YWHAH: variants seen among roughly 807,000 people sequenced by gnomAD.
YWHAH encodes tyrosine 3-monooxygenase/tryptophan 5-monooxygenase activation protein eta.
A neutral mutation model predicts 22.9 loss-of-function variants in YWHAH; 6 were observed. That is an observed-to-expected ratio of 0.26 (90% CI 0.14 to 0.52). The LOEUF is 0.52. YWHAH is among the 20% of genes least tolerant of loss of function. The pLI, the probability that YWHAH is intolerant of heterozygous loss-of-function variation, is 0.97. For synonymous variants in YWHAH, 135 were observed against 124.5 expected, an observed-to-expected ratio of 1.08 and a Z score of -0.56; for missense variants, 173 against 308.6, an observed-to-expected ratio of 0.56 and a Z score of 3.29.
rs886064415 is a variant in YWHAH at position 31,949,840 on chromosome 22, A to G, written c.87+5020A>G. Among the ~76,000 whole-genome samples the G allele has an allele frequency of 1.7e-4, 26 of 152,322 alleles. 1 individual carries two copies. In the South Asian group the frequency reaches 4.8e-3, roughly 28 times the overall value. ...CAATGCCCCATGAGGCAAAGGGATA[A>G]TATGTCTAGTATACATTCTGGTATA... is the stretch of plus-strand genomic sequence containing the variant. On this transcript the variant is annotated intron_variant, in intron 1 of 1. Transcript: ENST00000248975.
chr22:31,945,649 A>C, intron 1 of YWHAH: 1 of 1,284,946 alleles, frequency 7.8e-7, no homozygotes, highest in Non-Finnish European at 1.0e-6. Context: ...TTACCATCTC[A>C]CTCTCTCTCC....
At chr22:31,950,028 A>C (rs1034793076) in intron 1 of YWHAH, among the ~76,000 whole-genome samples, 1 of 142,898 alleles carries the variant, frequency 7.0e-6, no homozygotes, top group Non-Finnish European at 1.5e-5. Context: ...GAAACATAAG[A>C]GGGAAACTCA....
chr22:31,947,439 T>C (rs1342556429), intron 1 of YWHAH: 1 of 471,574 alleles, frequency 2.1e-6, no homozygotes, highest in Non-Finnish European at 4.4e-6. Flanking sequence ...CTTCCTGTAA[T>C]GATTGATGTT....
At chr22:31,948,617 C>T (rs1159720984) in intron 1 of YWHAH, among the ~76,000 whole-genome samples, 1 of 152,138 alleles carries the variant, frequency 6.6e-6, no homozygotes, top group Non-Finnish European at 1.5e-5. Context: ...TCAAGCAGTC[C>T]TCCTGCCTCA....
chr22:31,956,831 C>A lies in YWHAH; in HGVS notation c.*39C>A. 1 of 1,519,958 alleles carries A rather than the reference C, an allele frequency of 6.6e-7. No individual in the cohort carries two copies. Among genetic ancestry groups the A allele is most frequent in the Non-Finnish European group, 8.8e-7 (1 of 1,133,862 alleles). The allele number at this position is 1,519,958 out of a possible 1,614,324, so 94.2% of individuals were successfully genotyped here. A position where few individuals can be genotyped will look rare whatever the true frequency, so the allele number is the denominator to read the frequency against. On this transcript the variant is annotated 3_prime_UTR_variant, in exon 2 of 2. Coordinates refer to ENST00000248975, the MANE Select transcript of YWHAH (RefSeq NM_003405.4). This position sits in a 1 kb window ranked among gnomAD's most constrained non-coding sequence, Gnocchi z 5.1. ...CCCCTGGCCCTTCCTTCACCCACCA[C>A]CCCCATCATCACCGATTCTTCCTTG...
In YWHAH at chr22:31,956,088, C is replaced by G. The variant is rs759658955; in HGVS notation, c.88-51C>G. On this transcript the variant is annotated intron_variant, in intron 1 of 1. Coordinates refer to ENST00000248975, the MANE Select transcript of YWHAH (RefSeq NM_003405.4). This position sits in a 1 kb window ranked among gnomAD's most constrained non-coding sequence, Gnocchi z 5.1. ...ATTATGTTGAAGGGAAGGCTTCTTA[C>G]CAAGATTTTCAGATTTTGCTTTCAA... 1 of 1,540,262 alleles carries G rather than the reference C, an allele frequency of 6.5e-7. No homozygotes were observed. The highest frequency in any genetic ancestry group is 2.3e-5 in the East Asian group (1 of 44,346).
At chr22:31,947,459 A>T in intron 1 of YWHAH, 1 of 471,638 alleles carries the variant, frequency 2.1e-6, no homozygotes. Context: ...TCCTCATTCT[A>T]CCAGCGTCAC....
rs968049901 is a variant in YWHAH at position 31,957,112 on chromosome 22, C to T, written c.*320C>T. ...GGGAAGATTAGAAAGAATTAGCCAA[C>T]CAGGCTACAGTTGATATTTAAAAGA... On this transcript the variant is annotated 3_prime_UTR_variant, in exon 2 of 2. Coordinates refer to ENST00000248975, the MANE Select transcript of YWHAH (RefSeq NM_003405.4). The T allele has an allele frequency of 8.0e-6, 2 of 251,432 alleles. No individual in the cohort carries two copies. Among genetic ancestry groups the T allele is most frequent in the African/African-American group, 4.5e-5 (2 of 44,540 alleles). The allele number at this position is 251,432 out of a possible 1,614,324, so 15.6% of individuals were successfully genotyped here. A position where few individuals can be genotyped will look rare whatever the true frequency, so the allele number is the denominator to read the frequency against.
chr22:31,949,699 C>T (rs529419351), intron 1 of YWHAH, among the ~76,000 whole-genome samples: 209 of 152,266 alleles, frequency 1.4e-3, no homozygotes, highest in African/African-American at 4.7e-3. Context: ...GGTACTGTTA[C>T]TCCCCTTTAC....
At position 31,957,212 on chromosome 22, in the gene YWHAH, A is replaced by G. The variant is rs2093850707; in HGVS notation, c.*420A>G. ...ATGCAAAAATGAATTCACCCCTCCC[A>G]CCTCTTTCTTCAATTAATGGAAAAC... On this transcript the variant is annotated 3_prime_UTR_variant, in exon 2 of 2. Transcript: ENST00000248975. 1 of 159,896 alleles carries G rather than the reference A, an allele frequency of 6.3e-6. No individual in the cohort carries two copies. Among genetic ancestry groups the G allele is most frequent in the Non-Finnish European group, 1.4e-5 (1 of 72,252 alleles). The allele number at this position is 159,896 out of a possible 1,614,324, so 9.9% of individuals were successfully genotyped here. A position where few individuals can be genotyped will look rare whatever the true frequency, so the allele number is the denominator to read the frequency against.
In YWHAH at chr22:31,945,488, C is replaced by T. The variant is rs750630889; in HGVS notation, c.87+668C>T. ...TGTCTGCTTGGAGATTAAAATGAAA[C>T]GTGACTTCTAGGTGAGACGAATCTG... is the stretch of plus-strand genomic sequence containing the variant. On this transcript the variant is annotated intron_variant, in intron 1 of 1. Transcript: ENST00000248975. 1.5e-5 allele frequency: 20 copies of T among 1,303,978 alleles called. No homozygotes were observed. The South Asian group carries it at 2.3e-4, about 15-fold the overall frequency. 80.8% of individuals were successfully genotyped at this position (1,303,978 alleles called of 1,614,324 possible).
intron 1 of YWHAH, among the ~76,000 whole-genome samples, chr22:31,955,619 T>A (rs1163168588): frequency 6.6e-6 from 1 of 151,952 alleles, no homozygotes; most frequent in African/African-American, 2.4e-5. Context: ...ATTTTTGTAT[T>A]TTTAGTAGAG....
At position 31,949,692 on chromosome 22, in the gene YWHAH, A is replaced by G. The variant is rs866507419; in HGVS notation, c.87+4872A>G. On this transcript the variant is annotated intron_variant, in intron 1 of 1. Coordinates refer to ENST00000248975, the MANE Select transcript of YWHAH (RefSeq NM_003405.4). ...TCTTGTTTAACAATTCAGGATAGGT[A>G]CTGTTACTCCCCTTTACAAATGAGA... Among the ~76,000 whole-genome samples the G allele has an allele frequency of 2.0e-5, 3 of 152,182 alleles. No homozygotes were observed. The South Asian group carries it at 6.2e-4, about 31-fold the overall frequency.
intron 1 of YWHAH, among the ~76,000 whole-genome samples, chr22:31,952,300 C>A (rs2093844315): frequency 6.6e-6 from 1 of 152,206 alleles, no homozygotes; most frequent in Non-Finnish European, 1.5e-5. Context: ...CTGAACTTTT[C>A]ATTAGTTCTC....
chr22:31,945,267 C>T (rs1257760440), intron 1 of YWHAH: 3 of 1,151,164 alleles, frequency 2.6e-6, no homozygotes, highest in South Asian at 3.5e-5. Context: ...CTGGTTTTCT[C>T]TGCCACGACC....
chr22:31,955,663 G>A (rs1011505172), intron 1 of YWHAH, among the ~76,000 whole-genome samples: 1 of 152,056 alleles, frequency 6.6e-6, no homozygotes, highest in Non-Finnish European at 1.5e-5. Context: ...GAATGGTCTC[G>A]ATCTCTTGAC....
chr22:31,948,661 T>A (rs1177471034), intron 1 of YWHAH, among the ~76,000 whole-genome samples: 1 of 152,130 alleles, frequency 6.6e-6, no homozygotes, highest in Non-Finnish European at 1.5e-5. Context: ...AGGAGTGAGC[T>A]ACCACACCCA....
At chr22:31,950,091 T>G (rs1169075195) in intron 1 of YWHAH, among the ~76,000 whole-genome samples, 1 of 129,168 alleles carries the variant, frequency 7.7e-6, no homozygotes, top group Non-Finnish European at 1.6e-5. Flanking sequence ...TTTTTTTTTT[T>G]TTTTTTTTTT....
intron 1 of YWHAH, among the ~76,000 whole-genome samples, chr22:31,947,793 A>G (rs1056439169): frequency 5.3e-5 from 8 of 152,248 alleles, no homozygotes; most frequent in African/African-American, 1.7e-4. Flanking sequence ...AGTGGGATTA[A>G]ATGTTAGTCC....
Sources: gnomAD v4.1 joint callset for allele counts (sites outside exome capture counted in the v4.1 genomes callset) on GRCh38, gnomAD v4.1.1 for gene constraint, Gnocchi (gnomAD v3.1) non-coding constraint, MANE v1.5 for transcripts, NCBI Gene and HGNC (gene_info 2026-07-23, HGNC 2026-07-21) for gene names.